Variants in KCNMA1 observed in about 807,000 individuals in gnomAD.
KCNMA1 encodes Calcium-activated potassium channel subunit alpha-1.
A neutral mutation model predicts 140.0 loss-of-function variants in KCNMA1; 29 were observed. That is an observed-to-expected ratio of 0.21 (90% CI 0.15 to 0.28). The LOEUF is 0.28. KCNMA1 is among the 10% of genes least tolerant of loss of function. KCNMA1 has a pLI of 1.00. For synonymous variants in KCNMA1, 612 were observed against 611.9 expected (o/e 1.00, Z 0.00); for missense variants, 880 against 1,602.2 (o/e 0.55, Z 7.70).
At chr10:77,177,054 C>A (rs2098756732) in intron 5 of KCNMA1, among the ~76,000 whole-genome samples, 1 of 152,088 alleles carries the variant, frequency 6.6e-6, no homozygotes, top group Non-Finnish European at 1.5e-5. Flanking sequence ...AGAAAGGGGC[C>A]ATGAGCCAAG....
At chr10:76,935,896 G>C (rs1446761903) in intron 23 of KCNMA1, among the ~76,000 whole-genome samples, 1 of 152,174 alleles carries the variant, frequency 6.6e-6, no homozygotes, top group Non-Finnish European at 1.5e-5. Flanking sequence ...CACTCTCCAA[G>C]AAAGTCTTTC....
chr10:77,208,772 A>T (rs776803563), intron 3 of KCNMA1, among the ~76,000 whole-genome samples: 31 of 152,194 alleles, frequency 2.0e-4, no homozygotes, highest in Non-Finnish European at 4.0e-4. Context: ...CACAGGCAAG[A>T]GCTAAACAAA....
intron 2 of KCNMA1, among the ~76,000 whole-genome samples, chr10:77,267,381 G>A (rs2063735287): frequency 6.6e-6 from 1 of 152,274 alleles, no homozygotes; most frequent in East Asian, 1.9e-4. Flanking sequence ...CTGTATAAGA[G>A]GCAGAGCTTA....
intron 3 of KCNMA1, among the ~76,000 whole-genome samples, chr10:77,190,941 T>C (rs906186785): frequency 1.3e-5 from 2 of 152,188 alleles, no homozygotes; most frequent in African/African-American, 4.8e-5. Flanking sequence ...TGAAAGCTGA[T>C]AATACTTAGA....
intron 2 of KCNMA1, among the ~76,000 whole-genome samples, chr10:77,264,251 C>T (rs926480565): frequency 6.6e-6 from 1 of 152,122 alleles, no homozygotes; most frequent in African/African-American, 2.4e-5. Flanking sequence ...TGCCTCTGTG[C>T]CCCCTCTAGC....
intron 5 of KCNMA1, among the ~76,000 whole-genome samples, chr10:77,159,344 AT>A (rs1293832841): frequency 6.6e-6 from 1 of 151,788 alleles, no homozygotes; most frequent in African/African-American, 2.4e-5. Context: ...GTTGCCTTTT[AT>A]TTTTTTGTTA....
intron 18 of KCNMA1, among the ~76,000 whole-genome samples, chr10:77,005,600 G>T (rs552370010): frequency 4.2e-4 from 64 of 152,290 alleles, no homozygotes; most frequent in Non-Finnish European, 7.3e-4. Flanking sequence ...ACATCATAAG[G>T]TTCTTGTTAT....
intron 2 of KCNMA1, among the ~76,000 whole-genome samples, chr10:77,310,189 T>G (rs1182285165): frequency 6.6e-6 from 1 of 152,196 alleles, no homozygotes; most frequent in Non-Finnish European, 1.5e-5. Flanking sequence ...CGTGCACTAG[T>G]ACAACTAAAC....
At chr10:77,555,733 G>A (rs960992475) in intron 1 of KCNMA1, among the ~76,000 whole-genome samples, 2 of 152,136 alleles carry the variant, frequency 1.3e-5, no homozygotes, top group Admixed American at 6.5e-5. Context: ...ATACTTTGGA[G>A]GTTAAACAGA....
chr10:77,140,980 T>A (rs1216245403), intron 5 of KCNMA1, among the ~76,000 whole-genome samples: 1 of 152,202 alleles, frequency 6.6e-6, no homozygotes, highest in South Asian at 2.1e-4. Flanking sequence ...TTTATTTTAG[T>A]AATCCTGCTT....
rs558077431 is a variant in KCNMA1, at chr10:76,925,916, C to G, written c.2903-10867G>C. Among the ~76,000 whole-genome samples, 11 of 152,330 alleles carry G rather than the reference C, an allele frequency of 7.2e-5. No individual in the cohort carries two copies. In the South Asian group the frequency reaches 2.3e-3, roughly 32 times the overall value. The stretch of plus-strand genomic sequence containing the variant: ...GAAATTCAGGAAAGCAGAATCGCAT[C>G]AACAACTTTCAGCCAGCTATCTCTG... On this transcript the variant is annotated intron_variant, in intron 23 of 27. Transcript: ENST00000286628.
At chr10:77,276,565 G>A (rs1268599713) in intron 2 of KCNMA1, among the ~76,000 whole-genome samples, 2 of 152,136 alleles carry the variant, frequency 1.3e-5, no homozygotes, top group Non-Finnish European at 2.9e-5. Flanking sequence ...GATCATGGAT[G>A]TGAAGTTACC....
chr10:77,523,203 GC>G lies in KCNMA1; in HGVS notation c.378+114061del, dbSNP rs10623337. 2.0e-3 allele frequency among the ~76,000 whole-genome samples: 283 copies of G among 142,636 alleles called. 3 individuals are homozygous for G. Among genetic ancestry groups the G allele is most frequent in the South Asian group, 5.2e-3 (22 of 4,210 alleles). The allele number at this position is 142,636 out of a possible 152,430, so 93.6% of individuals were successfully genotyped here. A position where few individuals can be genotyped will look rare whatever the true frequency, so the allele number is the denominator to read the frequency against. ...CTATGTCTTACTCAACCTTGGACGT[GC>G]CCCCCCCCCTTGCAATCACACCACA... On this transcript the variant is annotated intron_variant, in intron 1 of 27. Transcript: ENST00000286628.
intron 1 of KCNMA1, among the ~76,000 whole-genome samples, chr10:77,444,637 C>T (rs757658120): frequency 1.3e-5 from 2 of 152,108 alleles, no homozygotes; most frequent in African/African-American, 2.4e-5. Flanking sequence ...CATGTTGAGA[C>T]GGGGGCTGTC....
intron 3 of KCNMA1, among the ~76,000 whole-genome samples, chr10:77,188,856 C>T (rs1850286): frequency 1.3e-5 from 2 of 152,064 alleles, no homozygotes; most frequent in East Asian, 3.9e-4. Context: ...CAGGAGCTCT[C>T]AGCACAAAAT....
chr10:77,258,839 TG>T (rs1334325517), intron 2 of KCNMA1, among the ~76,000 whole-genome samples: 6 of 152,128 alleles, frequency 3.9e-5, no homozygotes, highest in African/African-American at 1.4e-4. Context: ...GGCACACACC[TG>T]TAATCCCAGC....
intron 1 of KCNMA1, among the ~76,000 whole-genome samples, chr10:77,475,918 G>A (rs2098268153): frequency 6.6e-6 from 1 of 152,128 alleles, no homozygotes; most frequent in Non-Finnish European, 1.5e-5. Context: ...CAGAGTCCAG[G>A]GTTCTTTTTC....
At chr10:77,462,430 T>A (rs1472214935) in intron 1 of KCNMA1, among the ~76,000 whole-genome samples, 2 of 152,104 alleles carry the variant, frequency 1.3e-5, no homozygotes, top group Admixed American at 1.3e-4. Context: ...TGCACTCAAA[T>A]AGACATATAA....
At position 77,619,335 on chromosome 10, in the gene KCNMA1, TCTCTCTC is replaced by T. The variant is rs2090646152; in HGVS notation, c.378+17923_378+17929del. On this transcript the variant is annotated intron_variant, in intron 1 of 27. Transcript: ENST00000286628. ...GTCTGTCTCTCTCTCTCTCTCTCTC[TCTCTCTC>T]TCTCGTATGCCCACGCACATGCTTC... 3.6e-4 allele frequency among the ~76,000 whole-genome samples: 53 copies of T among 148,148 alleles called. 1 individual carries two copies. Among genetic ancestry groups the T allele is most frequent in the Middle Eastern group, 3.7e-3 (1 of 268 alleles).
Sources: gnomAD v4.1 joint callset for allele counts (sites outside exome capture counted in the v4.1 genomes callset) on GRCh38, gnomAD v4.1.1 for gene constraint, MANE v1.5 for transcripts, NCBI Gene and HGNC (gene_info 2026-07-23, HGNC 2026-07-21) for gene names.